Variants in XRCC1 observed in about 807,000 individuals in gnomAD.
The protein encoded by XRCC1 is X-ray repair cross complementing 1.
A neutral mutation model predicts 83.3 loss-of-function variants in XRCC1; 52 were observed. That is an observed-to-expected ratio of 0.62 (90% CI 0.50 to 0.79). The LOEUF is 0.79. Ranked by LOEUF, XRCC1 falls within the 30% of genes least tolerant of loss-of-function variation. The pLI is 0.00. For missense variants in XRCC1, 793 were observed against 823.5 expected (o/e 0.96, Z 0.45); for synonymous variants, 281 against 312.6 (o/e 0.90, Z 1.07).
chr19:43,561,028 CAG>C lies in XRCC1; in HGVS notation c.145-10_145-9del. ...CTGCTCCTCCTTCTCCAACTGTGGG[CAG>C]AGAGAGAGGCCACTGTCAGTGCCTG... On this transcript the variant is annotated splice_polypyrimidine_tract_variant and intron_variant, in intron 2 of 16. Coordinates refer to ENST00000262887, the MANE Select transcript of XRCC1 (RefSeq NM_006297.3). The C allele has an allele frequency of 2.5e-6, 4 of 1,610,844 alleles. No individual in the cohort carries two copies. Among genetic ancestry groups the C allele is most frequent in the East Asian group, 2.2e-5 (1 of 44,862 alleles).
At chr19:43,547,207 G>A (rs1161561906) in intron 10 of XRCC1, among the ~76,000 whole-genome samples, 1 of 139,806 alleles carries the variant, frequency 7.2e-6, no homozygotes, top group African/African-American at 2.7e-5. Flanking sequence ...TTTTTTTTTT[G>A]AGACAGAGTC....
intron 2 of XRCC1, among the ~76,000 whole-genome samples, chr19:43,569,646 G>C (rs1450528717): frequency 6.6e-6 from 1 of 152,030 alleles, no homozygotes; most frequent in Non-Finnish European, 1.5e-5. Context: ...GCCAGGCGTG[G>C]TGGTGCATGC....
chr19:43,546,800 C>A, intron 11 of XRCC1, 73 bp from the exon 12 acceptor site: 1 of 1,595,458 alleles, frequency 6.3e-7, no homozygotes, highest in South Asian at 1.1e-5. Flanking sequence ...CTGCAAGAGG[C>A]AAGAGTGGGA....
At chr19:43,560,224 A>G (rs1350380945) in intron 3 of XRCC1, among the ~76,000 whole-genome samples, 1 of 151,176 alleles carries the variant, frequency 6.6e-6, no homozygotes, top group Non-Finnish European at 1.5e-5. Flanking sequence ...CCCCGTCTCT[A>G]CTAAAAATAC....
chr19:43,571,660 C>T lies in XRCC1; in HGVS notation c.144+3250G>A, dbSNP rs183948675. 7.2e-5 allele frequency among the ~76,000 whole-genome samples: 11 copies of T among 152,342 alleles called. No individual in the cohort carries two copies. The East Asian group carries it at 1.9e-3, about 27-fold the overall frequency. ...CTGGGACCACAGGCATAGGCCACCA[C>T]GCTTGGCAGATTTTTGTATTTTTAG... On this transcript the variant is annotated intron_variant, in intron 2 of 16. Coordinates refer to ENST00000262887, the MANE Select transcript of XRCC1 (RefSeq NM_006297.3).
chr19:43,571,496 C>T (rs534526488), intron 2 of XRCC1, among the ~76,000 whole-genome samples: 1 of 152,274 alleles, frequency 6.6e-6, no homozygotes, highest in South Asian at 2.1e-4. Context: ...GAAAGCTCCA[C>T]AAGACTGAAT....
chr19:43,545,417 C>T (rs138669366), intron 14 of XRCC1, among the ~76,000 whole-genome samples: 69 of 152,286 alleles, frequency 4.5e-4, no homozygotes, highest in African/African-American at 1.5e-3. Flanking sequence ...TGGTGTGCAC[C>T]CACCCAGGGC....
intron 10 of XRCC1, 124 bp downstream of exon 10, chr19:43,551,447 G>T: frequency 1.2e-6 from 1 of 828,482 alleles, no homozygotes; most frequent in Non-Finnish European, 2.0e-6. Flanking sequence ...CCTCTCAGTA[G>T]TCTGCTGGCT....
chr19:43,543,748 T>A (rs3213397), intron 15 of XRCC1, 61 bp from the exon 16 acceptor site: 17,429 of 1,506,488 alleles, frequency 0.012, 139 homozygotes, highest in Middle Eastern at 0.024. Flanking sequence ...GACGTCCTAC[T>A]CCCCAGCCAC....
In XRCC1 at chr19:43,575,134, G is replaced by A. The variant is rs535930283; in HGVS notation, c.52-132C>T. The A allele has an allele frequency of 5.4e-5, 44 of 812,958 alleles. No homozygotes were observed. The African/African-American group carries it at 6.3e-4, about 12-fold the overall frequency. 50.4% of individuals were successfully genotyped at this position (812,958 alleles called of 1,614,324 possible). On this transcript the variant is annotated intron_variant, in intron 1 of 16. Coordinates refer to ENST00000262887, the MANE Select transcript of XRCC1 (RefSeq NM_006297.3). Reference sequence around the variant, plus strand: ...ATTTAAGCTCTCCCGTTAATCCCCCGACACTCTGCCTGGAGTTTCCCCTAC... The same window carrying A: ...ATTTAAGCTCTCCCGTTAATCCCCCAACACTCTGCCTGGAGTTTCCCCTAC...
In XRCC1 at chr19:43,553,468, C is replaced by G; in HGVS notation, c.534G>C (p.Glu178Asp). ...GCCTCAGAGAGTTGGCGCTCTCATC[C>G]TCCTCCTTCACACGGAACTGGCCAA... The part of the protein sequence containing the change: ...TKLGQFRVKE[E>D]DESANSLRPG... The change falls in exon 6 of 17, where the codon GAG (glutamate) becomes GAC (aspartate). Residue 178 changes from glutamate (E) to aspartate (D), a missense_variant. By Grantham distance (45) the Glu-to-Asp change is conservative. Coordinates refer to ENST00000262887, the MANE Select transcript of XRCC1 (RefSeq NM_006297.3). The G allele has an allele frequency of 6.2e-7, 1 of 1,614,156 alleles. No individual in the cohort carries two copies. Among genetic ancestry groups the G allele is most frequent in the Non-Finnish European group, 8.5e-7 (1 of 1,180,004 alleles).
At chr19:43,557,434 G>T (rs927610268) in intron 3 of XRCC1, among the ~76,000 whole-genome samples, 1 of 151,674 alleles carries the variant, frequency 6.6e-6, no homozygotes, top group Non-Finnish European at 1.5e-5. Flanking sequence ...AAAGCCTTTT[G>T]CTGAGAAAAA....
rs2307184 is a variant in XRCC1 at position 43,546,079 on chromosome 19, G to T, written c.1454C>A (p.Ser485Tyr). 4.6e-4 allele frequency: 734 copies of T among 1,610,810 alleles called. No homozygotes were observed. The highest frequency in any genetic ancestry group is 5.7e-4 in the Non-Finnish European group (677 of 1,179,146). The change falls in exon 13 of 17, where the codon TCT (serine) becomes TAT (tyrosine). Residue 485 changes from serine (S) to tyrosine (Y), a missense_variant. Transcript: ENST00000262887. ...CCTCAGCTCATCCTCTGTGTCCCCA[G>T]AATCTTCCGCCCCATTGTCCTGTCC... Reference protein sequence around the residue: ...SEGQDNGAEDSGDTEDELRRV... With the variant: ...SEGQDNGAEDYGDTEDELRRV...
chr19:43,556,220 G>A (rs1972634291), intron 3 of XRCC1, among the ~76,000 whole-genome samples: 1 of 152,124 alleles, frequency 6.6e-6, no homozygotes, highest in African/African-American at 2.4e-5. Flanking sequence ...TGCACGTGGT[G>A]GTGAAAGAGA....
intron 2 of XRCC1, among the ~76,000 whole-genome samples, chr19:43,564,594 G>T (rs1294773423): frequency 6.6e-6 from 1 of 152,052 alleles, no homozygotes; most frequent in Non-Finnish European, 1.5e-5. Context: ...TTCGAGACCA[G>T]CCTGACCAAA....
chr19:43,575,069 T>G, intron 1 of XRCC1, 67 bp from the exon 2 acceptor site: 1 of 1,334,068 alleles, frequency 7.5e-7, no homozygotes, highest in Non-Finnish European at 1.1e-6. Context: ...AGCTCTCAGA[T>G]GATTCCTTTG....
At chr19:43,559,249 T>C (rs958244002) in intron 3 of XRCC1, among the ~76,000 whole-genome samples, 6 of 151,830 alleles carry the variant, frequency 4.0e-5, no homozygotes, top group Admixed American at 6.6e-5. Flanking sequence ...TTTGGGAGGC[T>C]AAGGTGGGCA....
chr19:43,574,936 C>T lies in XRCC1; in HGVS notation c.118G>A (p.Glu40Lys). 5 of 1,614,142 alleles carry T rather than the reference C, an allele frequency of 3.1e-6. No individual in the cohort carries two copies. The highest frequency in any genetic ancestry group is 4.2e-6 in the Non-Finnish European group (5 of 1,180,000). ...YRKWRAAKAG[E>K]KTISVVLQLE... ...TGTAGGACCACAGAGATGGTCTTCT[C>T]GCCTGCCTTGGCTGCCCGCCATTTT... Residue 40 changes from glutamate to lysine, a missense_variant, in exon 2 of 17, where the codon GAG becomes AAG. Glu to Lys is a moderately conservative substitution (Grantham distance 56). Transcript: ENST00000262887.
At chr19:43,551,325 G>A (rs1363159802) in intron 10 of XRCC1, among the ~76,000 whole-genome samples, 1 of 152,170 alleles carries the variant, frequency 6.6e-6, no homozygotes, top group Non-Finnish European at 1.5e-5. Flanking sequence ...CTGAGTTTTT[G>A]CACAAACTGC....
Sources: allele counts gnomAD v4.1 joint callset (sites outside exome capture counted in the v4.1 genomes callset), GRCh38; gene constraint gnomAD v4.1.1; transcripts MANE v1.5; gene names NCBI Gene and HGNC (gene_info 2026-07-23, HGNC 2026-07-21).